RGS22: variants seen among roughly 807,000 people sequenced by gnomAD.
RGS22 encodes the protein regulator of G-protein signaling 22.
RGS22 carries 148 observed loss-of-function variants against 172.9 expected under a neutral mutation model. The ratio of observed to expected loss-of-function variants is 0.86; its 90% CI spans 0.75 to 0.98. RGS22 has a LOEUF of 0.98. Ranked by LOEUF, RGS22 falls within the 50% of genes least tolerant of loss-of-function variation. The probability of loss-of-function intolerance (pLI) is 0.00; values close to 1 mark genes in which losing one functional copy is unlikely to be tolerated. For synonymous variants in RGS22, 458 were observed against 480.2 expected (o/e 0.95, Z 0.60); for missense variants, 1,347 against 1,440.8 (o/e 0.93, Z 1.05).
At chr8:99,987,682 A>G in intron 20 of RGS22, 63 bp from the exon 21 acceptor site, 6 of 1,298,950 alleles carry the variant, frequency 4.6e-6, no homozygotes, top group Non-Finnish European at 6.1e-6. Context: ...ACCAACTTCT[A>G]TCTCCTAAAA....
At chr8:100,051,224 G>A (rs890486192) in intron 10 of RGS22, among the ~76,000 whole-genome samples, 1 of 151,064 alleles carries the variant, frequency 6.6e-6, no homozygotes, top group East Asian at 2.0e-4. Context: ...TCAAAGAAGA[G>A]CAAGGAGACC....
chr8:99,982,434 C>T (rs1332134856), intron 21 of RGS22, among the ~76,000 whole-genome samples: 2 of 152,172 alleles, frequency 1.3e-5, no homozygotes, highest in Non-Finnish European at 2.9e-5. Flanking sequence ...CTGTTATATA[C>T]CAGACACTGA....
At position 99,990,863 on chromosome 8, in the gene RGS22, C is replaced by CA. The variant is rs538723021; in HGVS notation, c.3019-3245dup. 2.0e-3 allele frequency among the ~76,000 whole-genome samples: 301 copies of CA among 152,306 alleles called. 1 individual carries two copies. The highest frequency in any genetic ancestry group is 7.0e-3 in the African/African-American group (289 of 41,566). ...GGAGACACCTCCCAGTAGGGGCTGA[C>CA]AGACACCTCATATAGGCAGCTACCC... On this transcript the variant is annotated intron_variant, in intron 20 of 27. Transcript: ENST00000360863.
intron 3 of RGS22, among the ~76,000 whole-genome samples, chr8:100,086,134 CAAGATA>C (rs1440673778): frequency 2.0e-5 from 3 of 151,800 alleles, no homozygotes; most frequent in Non-Finnish European, 2.9e-5. Context: ...GCCAATGCAT[CAAGATA>C]AAGGAGCATG....
chr8:100,063,219 T>C (rs893601986), intron 8 of RGS22, among the ~76,000 whole-genome samples, 197 bp downstream of exon 8: 2 of 152,160 alleles, frequency 1.3e-5, no homozygotes, highest in Non-Finnish European at 2.9e-5. Context: ...ATCATTAGTA[T>C]CTGAAAACTA....
In RGS22 at chr8:99,999,493, A is replaced by C; in HGVS notation, c.2791-73T>G. ...AACACTAATAGTCATTAATTCATTC[A>C]TTCACTACAAAACCATTTGCTGCAC... On this transcript the variant is annotated intron_variant, in intron 18 of 27. Coordinates refer to ENST00000360863, the MANE Select transcript of RGS22 (RefSeq NM_015668.5). 3 of 1,527,470 alleles carry C rather than the reference A, an allele frequency of 2.0e-6. No homozygotes were observed. The South Asian group carries it at 3.7e-5, about 19-fold the overall frequency. The allele number at this position is 1,527,470 out of a possible 1,614,324, so 94.6% of individuals were successfully genotyped here.
At chr8:99,992,580 A>G (rs1319640581) in intron 20 of RGS22, among the ~76,000 whole-genome samples, 1 of 152,210 alleles carries the variant, frequency 6.6e-6, no homozygotes, top group Non-Finnish European at 1.5e-5. Flanking sequence ...TCCTAAATAT[A>G]TATGCACCCA....
chr8:100,042,915 G>A (rs1820291001), intron 11 of RGS22: 1 of 152,186 alleles, frequency 6.6e-6, no homozygotes, highest in African/African-American at 2.4e-5. Context: ...GTGCTAGGGA[G>A]CTTCTGAGGA....
chr8:100,051,480 T>C lies in RGS22; in HGVS notation c.1689+1322A>G, dbSNP rs1345182850. ...ATTATATATAAATATATATTATATA[T>C]ATTTATATATAATATATAATAAATA... is the stretch of plus-strand genomic sequence containing the variant. On this transcript the variant is annotated intron_variant, in intron 10 of 27. Transcript: ENST00000360863. Among the ~76,000 whole-genome samples, 3 of 96,814 alleles carry C rather than the reference T, an allele frequency of 3.1e-5. No homozygotes were observed. The Admixed American group carries it at 5.0e-4, about 16-fold the overall frequency. The allele number at this position is 96,814 out of a possible 152,430, so 63.5% of individuals were successfully genotyped here.
chr8:100,007,320 T>C (rs931896442), intron 15 of RGS22, among the ~76,000 whole-genome samples: 1 of 152,172 alleles, frequency 6.6e-6, no homozygotes, highest in African/African-American at 2.4e-5. Context: ...AACGTATACA[T>C]AGATGGTTTT....
At chr8:100,052,735 C>A in intron 10 of RGS22, 67 bp downstream of exon 10, 2 of 1,391,422 alleles carry the variant, frequency 1.4e-6, no homozygotes, top group Non-Finnish European at 2.0e-6. Flanking sequence ...TATCAGTGCA[C>A]AAACACTCAA....
chr8:100,013,146 C>T (rs560929407), intron 14 of RGS22, among the ~76,000 whole-genome samples: 3 of 152,022 alleles, frequency 2.0e-5, no homozygotes, highest in Admixed American at 6.6e-5. Flanking sequence ...TCCACCACCA[C>T]GCCCAGCTAA....
chr8:99,962,522 C>T (rs369865224), intron 26 of RGS22, 79 bp from the exon 27 acceptor site: 162 of 1,499,820 alleles, frequency 1.1e-4, no homozygotes, highest in East Asian at 1.0e-3. Context: ...CAGAGAGAAG[C>T]AGGACTCACA....
chr8:100,036,329 A>G (rs1469256970), intron 14 of RGS22, among the ~76,000 whole-genome samples: 1 of 152,120 alleles, frequency 6.6e-6, no homozygotes, highest in Admixed American at 6.5e-5. Flanking sequence ...ACTGTGTACT[A>G]TTCTATCTTG....
rs1813208081 is a variant in RGS22 at position 99,987,378 on chromosome 8, A to C, written c.3180+80T>G. On this transcript the variant is annotated intron_variant, in intron 21 of 27. Coordinates refer to ENST00000360863, the MANE Select transcript of RGS22 (RefSeq NM_015668.5). The stretch of plus-strand genomic sequence containing the variant: ...GGGATATCTTATACAAATCTTGTGC[A>C]TAAAGTTAGTTAAAAATCTGACATT... The C allele has an allele frequency of 6.3e-6, 7 of 1,108,798 alleles. No homozygotes were observed. The East Asian group carries it at 9.7e-5, about 15-fold the overall frequency. The allele number at this position is 1,108,798 out of a possible 1,614,324, so 68.7% of individuals were successfully genotyped here.
Position 100,002,237 on chromosome 8 carries a change from G to A in RGS22, c.2755C>T (p.Pro919Ser), listed in dbSNP as rs1047015775. Reference protein sequence around the residue: ...KYLNKKYFFGPNSPASLYQQN... With the variant: ...KYLNKKYFFGSNSPASLYQQN... The stretch of plus-strand genomic sequence containing the variant: ...TGATACAGAGAAGCTGGACTGTTGG[G>A]TCCAAAGAAATATTTTTTATTAAGG... Residue 919 changes from proline to serine, a missense_variant, in exon 18 of 28, where the codon CCC becomes TCC. Pro to Ser is a moderately conservative substitution (Grantham distance 74). Transcript: ENST00000360863. 2.5e-6 allele frequency: 4 copies of A among 1,606,348 alleles called. No homozygotes were observed. The highest frequency in any genetic ancestry group is 1.1e-5 in the South Asian group (1 of 89,308).
At chr8:100,076,305 C>A (rs1811344044) in intron 4 of RGS22, among the ~76,000 whole-genome samples, 1 of 152,012 alleles carries the variant, frequency 6.6e-6, no homozygotes, top group Admixed American at 6.6e-5. Flanking sequence ...AAGATTTACA[C>A]CTGTATTATC....
chr8:100,004,232 G>T, intron 16 of RGS22, 134 bp from the exon 17 acceptor site: 2 of 1,075,942 alleles, frequency 1.9e-6, no homozygotes, highest in South Asian at 5.4e-5. Flanking sequence ...AGTGGGTAAA[G>T]ACTTTAGAAT....
rs767359244 is a variant in RGS22, at chr8:99,999,377, T to G, written c.2834A>C (p.Gln945Pro). Residue 945 changes from glutamine to proline, a missense_variant, in exon 19 of 28, where the codon CAG becomes CCG. By Grantham distance (76) the Gln-to-Pro change is moderately conservative. Transcript: ENST00000360863. The part of the protein sequence containing the change: ...SGGWGKILHE[Q>P]LDAPVLVEIQ... Reference sequence around the variant, plus strand: ...TTCAACTAGAACAGGTGCATCAAGCTGCTCATGAAGAATCTTCCCCCAGCC... The same window carrying G: ...TTCAACTAGAACAGGTGCATCAAGCGGCTCATGAAGAATCTTCCCCCAGCC... The G allele has an allele frequency of 6.2e-7, 1 of 1,613,874 alleles. No individual in the cohort carries two copies. The highest frequency in any genetic ancestry group is 1.7e-5 in the Admixed American group (1 of 59,958).
Sources: gnomAD v4.1 joint callset for allele counts (sites outside exome capture counted in the v4.1 genomes callset) on GRCh38, gnomAD v4.1.1 for gene constraint, MANE v1.5 for transcripts, NCBI Gene and HGNC (gene_info 2026-07-23, HGNC 2026-07-21) for gene names.